The following PKHD1 variants were observed in gnomAD, a reference collection of about 807,000 sequenced individuals.
PKHD1 encodes PKHD1 ciliary IPT domain containing fibrocystin/polyductin, also known as fibrocystin.
Under a neutral mutation model 412.0 loss-of-function variants are expected in PKHD1, and 291 were observed. The observed-to-expected ratio is 0.71, with a 90% confidence interval of 0.64 to 0.78. PKHD1 has a LOEUF of 0.78. PKHD1 is among the 30% of genes least tolerant of loss of function. PKHD1 has a pLI of 0.00. For missense variants in PKHD1, 4,825 were observed against 4,950.7 expected (o/e 0.97, Z 0.76); for synonymous variants, 1,777 against 1,821.5 (o/e 0.98, Z 0.62).
intron 52 of PKHD1, among the ~76,000 whole-genome samples, chr6:51,828,940 G>T (rs1767786241): frequency 6.6e-6 from 1 of 152,142 alleles, no homozygotes; most frequent in Admixed American, 6.5e-5. Flanking sequence ...TTTGGAGATA[G>T]AAGAGGGGTT....
At chr6:51,763,735 C>T (rs1788438612) in intron 55 of PKHD1, among the ~76,000 whole-genome samples, 1 of 151,996 alleles carries the variant, frequency 6.6e-6, no homozygotes. Context: ...TTTAAATCTG[C>T]CCACTTCTCC....
intron 35 of PKHD1, among the ~76,000 whole-genome samples, chr6:52,007,202 T>C (rs1051197107): frequency 9.9e-5 from 15 of 152,246 alleles, no homozygotes; most frequent in African/African-American, 3.1e-4. Flanking sequence ...TCTGGCTAGA[T>C]ACCCAGTAAT....
chr6:51,879,102 A>G (rs1471951945), intron 46 of PKHD1, among the ~76,000 whole-genome samples: 4 of 83,380 alleles, frequency 4.8e-5, no homozygotes, highest in African/African-American at 1.6e-4. Flanking sequence ...CCACTGCTCA[A>G]CGAAATAAAA....
chr6:52,066,171 TCTTA>T, intron 11 of PKHD1, 94 bp from the exon 12 acceptor site: 1 of 650,610 alleles, frequency 1.5e-6, no homozygotes, highest in East Asian at 2.8e-5. Context: ...ATTAATAATT[TCTTA>T]CTTTAACTTT....
chr6:51,830,972 CAGGGGCAGAGGT>C lies in PKHD1; in HGVS notation c.8179_8190del (p.Thr2727_Pro2730del). Reference sequence around the variant, plus strand: ...GGGAGGGACCATTTTAAAGCTGATTCAGGGGCAGAGGTAGAAGCTAGAAAATAAAAAAAAATT... The same window carrying C: ...GGGAGGGACCATTTTAAAGCTGATTCAGAAGCTAGAAAATAAAAAAAAATT... On this transcript the variant is annotated inframe_deletion, in exon 52 of 67. Transcript: ENST00000371117. 1.9e-6 allele frequency: 3 copies of C among 1,612,064 alleles called. No individual in the cohort carries two copies. The Admixed American group carries it at 5.0e-5, about 27-fold the overall frequency.
chr6:51,906,801 A>T (rs902798821), intron 40 of PKHD1, among the ~76,000 whole-genome samples: 2 of 152,134 alleles, frequency 1.3e-5, no homozygotes, highest in Non-Finnish European at 2.9e-5. Flanking sequence ...ATAGCCAGAG[A>T]CTCATTCCTA....
intron 66 of PKHD1, among the ~76,000 whole-genome samples, chr6:51,625,081 T>C (rs1767069497): frequency 6.6e-6 from 1 of 152,188 alleles, no homozygotes; most frequent in Non-Finnish European, 1.5e-5. Flanking sequence ...CACAACTTTC[T>C]AGCACCCTGA....
chr6:52,061,264 C>A (rs1049943701), intron 14 of PKHD1, among the ~76,000 whole-genome samples: 7 of 152,124 alleles, frequency 4.6e-5, no homozygotes, highest in African/African-American at 1.7e-4. Flanking sequence ...GATCATGGCT[C>A]GCTGCAGCCC....
chr6:52,048,456 G>A (rs2128192576), intron 23 of PKHD1, 36 bp downstream of exon 23: 2 of 1,606,680 alleles, frequency 1.2e-6, no homozygotes, highest in Non-Finnish European at 1.7e-6. Context: ...GAGAATATGT[G>A]AGTGAGAATT....
At position 52,053,137 on chromosome 6, in the gene PKHD1, C is replaced by A. The variant is rs746441159; in HGVS notation, c.2079G>T (p.Leu693=). The A allele has an allele frequency of 5.7e-5, 92 of 1,614,010 alleles. No homozygotes were observed. The Middle Eastern group carries it at 6.6e-4, about 12-fold the overall frequency. Reference sequence around the variant, plus strand: ...CATAGAACAGGCCCGTCTCCTGGGCCAGAGGGAGAAGGTTGATCTGATGAA... The same window carrying A: ...CATAGAACAGGCCCGTCTCCTGGGCAAGAGGGAGAAGGTTGATCTGATGAA... The part of the protein sequence containing the change: ...VLVHQINLLP[L]AQETGLFYVD... The change falls in exon 21 of 67, where the codon CTG becomes CTT. Residue 693 remains leucine, a synonymous_variant. Coordinates refer to ENST00000371117, the MANE Select transcript of PKHD1 (RefSeq NM_138694.4).
intron 34 of PKHD1, among the ~76,000 whole-genome samples, chr6:52,012,857 G>A (rs1461671830): frequency 2.0e-5 from 3 of 152,130 alleles, no homozygotes; most frequent in Non-Finnish European, 4.4e-5. Flanking sequence ...TTCGTAAATC[G>A]GTTTCCAGAT....
intron 48 of PKHD1, among the ~76,000 whole-genome samples, chr6:51,862,929 C>T (rs1201496395): frequency 6.6e-6 from 1 of 152,148 alleles, no homozygotes; most frequent in Non-Finnish European, 1.5e-5. Context: ...TTACCTAATT[C>T]CCTTGCCAGG....
intron 55 of PKHD1, among the ~76,000 whole-genome samples, chr6:51,760,794 C>T (rs1787870179): frequency 6.6e-6 from 1 of 151,914 alleles, no homozygotes; most frequent in Non-Finnish European, 1.5e-5. Context: ...AGGTTTAGGG[C>T]CTGGAGAAAA....
intron 52 of PKHD1, among the ~76,000 whole-genome samples, chr6:51,807,878 ATGGAAAGTAGATTAATGGT>A (rs1336293133): frequency 1.3e-5 from 2 of 152,014 alleles, no homozygotes; most frequent in African/African-American, 4.8e-5. Flanking sequence ...ATCTGTAGAG[ATGGAAAGTAGATTAATGGT>A]TGCCTGTGGC....
rs1583082045 is a variant in PKHD1 at position 51,861,800 on chromosome 6, C to A, written c.7734-5730G>T. ...TCTAAGGAAGTATCTACAGTTTTTG[C>A]AACATAGTTATCTGCTGTTATATTA... is the stretch of plus-strand genomic sequence containing the variant. On this transcript the variant is annotated intron_variant, in intron 48 of 66. Coordinates refer to ENST00000371117, the MANE Select transcript of PKHD1 (RefSeq NM_138694.4). 2.0e-5 allele frequency among the ~76,000 whole-genome samples: 3 copies of A among 150,958 alleles called. No individual in the cohort carries two copies. In the South Asian group the frequency reaches 6.2e-4, roughly 31 times the overall value.
intron 65 of PKHD1, among the ~76,000 whole-genome samples, chr6:51,631,549 C>T (rs1265225783): frequency 6.6e-6 from 1 of 152,052 alleles, no homozygotes; most frequent in Non-Finnish European, 1.5e-5. Flanking sequence ...TTTCTCTTTG[C>T]CTCTCTTTAT....
At chr6:51,984,728 C>A (rs1287647230) in intron 35 of PKHD1, among the ~76,000 whole-genome samples, 1 of 152,100 alleles carries the variant, frequency 6.6e-6, no homozygotes, top group Admixed American at 6.5e-5. Context: ...AAAGTAAAAG[C>A]AGAAATTATA....
intron 43 of PKHD1, among the ~76,000 whole-genome samples, chr6:51,888,505 T>C (rs1300882178): frequency 2.0e-5 from 3 of 152,070 alleles, no homozygotes; most frequent in Non-Finnish European, 4.4e-5. Flanking sequence ...GGTTCCAACA[T>C]GTTCAAACCA....
intron 37 of PKHD1, among the ~76,000 whole-genome samples, chr6:51,912,863 A>G (rs1561862696): frequency 6.6e-6 from 1 of 152,136 alleles, no homozygotes; most frequent in Non-Finnish European, 1.5e-5. Flanking sequence ...GATTACACTT[A>G]TATTTGAATC....
Sources: allele counts gnomAD v4.1 joint callset (sites outside exome capture counted in the v4.1 genomes callset), GRCh38; gene constraint gnomAD v4.1.1; transcripts MANE v1.5; gene names NCBI Gene and HGNC (gene_info 2026-07-23, HGNC 2026-07-21).